RBM33: variants seen among roughly 807,000 people sequenced by gnomAD.
The protein encoded by RBM33 is RNA-binding protein 33.
RBM33 carries 28 observed loss-of-function variants against 132.6 expected under a neutral mutation model. The ratio of observed to expected loss-of-function variants is 0.21; its 90% CI spans 0.16 to 0.29. RBM33 has a LOEUF of 0.29. Among genes scored for constraint, RBM33 ranks in the 10% least tolerant of loss-of-function variants. The probability of loss-of-function intolerance (pLI) is 1.00; values close to 1 mark genes in which losing one functional copy is unlikely to be tolerated. For missense variants in RBM33, 1,291 were observed against 1,518.5 expected (o/e 0.85, Z 2.49); for synonymous variants, 634 against 593.0 (o/e 1.07, Z -1.01).
rs1802227910 is a variant in RBM33 at position 155,766,590 on chromosome 7, G to T, written c.3310G>T (p.Gly1104Trp). Reference protein sequence around the residue: ...KPQPCVVSVEGLSSSTTDAQL... With the variant: ...KPQPCVVSVEWLSSSTTDAQL... ...CCAGCCCTGCGTGGTGTCTGTGGAG[G>T]GGCTGTCCTCGTCCACCACGGATGC... The change falls in exon 16 of 18, where the codon GGG becomes TGG. Residue 1104 changes from glycine (G) to tryptophan (W), a missense_variant. Transcript: ENST00000401878. 1 of 1,612,894 alleles carries T rather than the reference G, an allele frequency of 6.2e-7. No homozygotes were observed. Among genetic ancestry groups the T allele is most frequent in the African/African-American group, 1.3e-5 (1 of 74,904 alleles).
At chr7:155,742,176 A>G (rs1345731785) in intron 13 of RBM33, 70 bp downstream of exon 13, 8 of 1,399,526 alleles carry the variant, frequency 5.7e-6, no homozygotes, top group Non-Finnish European at 7.7e-6. Flanking sequence ...TGGATGTCTT[A>G]GTTCACTCTC....
Position 155,781,278 on chromosome 7 carries a change from G to T in RBM33, c.*6237G>T, listed in dbSNP as rs748964411. The T allele has an allele frequency of 6.6e-6, 1 of 152,258 alleles. No individual in the cohort carries two copies. The highest frequency in any genetic ancestry group is 1.5e-5 in the Non-Finnish European group (1 of 68,042). The allele number at this position is 152,258 out of a possible 1,614,324, so 9.4% of individuals were successfully genotyped here. Reference sequence around the variant, plus strand: ...ACCACACCTACCTTGGGGGAATGCCGTTGCCTGTTCCACCCCTTTGTTCAC... The same window carrying T: ...ACCACACCTACCTTGGGGGAATGCCTTTGCCTGTTCCACCCCTTTGTTCAC... On this transcript the variant is annotated 3_prime_UTR_variant, in exon 18 of 18. Transcript: ENST00000401878.
chr7:155,764,017 A>G lies in RBM33; in HGVS notation c.3185A>G (p.Lys1062Arg). Residue 1062 changes from lysine to arginine, a missense_variant and splice_region_variant, in exon 15 of 18, where the codon AAG becomes AGG. Physicochemically the swap from Lys to Arg is conservative, Grantham distance 26 (BLOSUM62 2). Transcript: ENST00000401878. ...KSIQGIHPAK[K>R]AIMHGRGRGV... ...ATCCAAGGAATTCACCCGGCGAAGAAGGTACTGCTTGTTGCCTCGCACGCA... is the reference window on the plus strand; with the variant it reads ...ATCCAAGGAATTCACCCGGCGAAGAGGGTACTGCTTGTTGCCTCGCACGCA... 6.5e-7 allele frequency: 1 copy of G among 1,535,616 alleles called. No homozygotes were observed. Among genetic ancestry groups the G allele is most frequent in the Non-Finnish European group, 8.8e-7 (1 of 1,139,690 alleles).
chr7:155,707,432 G>T, intron 7 of RBM33: 1 of 391,330 alleles, frequency 2.6e-6, no homozygotes, highest in Non-Finnish European at 5.1e-6. Context: ...TAGAATTTAG[G>T]CAGAAGTTGT....
intron 11 of RBM33, 124 bp downstream of exon 11, chr7:155,738,527 T>G (rs1353616210): frequency 1.0e-6 from 1 of 952,400 alleles, no homozygotes; most frequent in Non-Finnish European, 1.5e-6. Context: ...AGAGTATTAG[T>G]CTCAAATGTA....
At chr7:155,766,356 C>T in intron 15 of RBM33, 111 bp from the exon 16 acceptor site, 1 of 1,196,434 alleles carries the variant, frequency 8.4e-7, no homozygotes, top group Non-Finnish European at 1.2e-6. Flanking sequence ...AATCCTGTAG[C>T]TCATGGTATA....
chr7:155,697,200 G>A (rs542294289), intron 5 of RBM33, among the ~76,000 whole-genome samples: 62 of 152,316 alleles, frequency 4.1e-4, no homozygotes, highest in Admixed American at 1.9e-3. Flanking sequence ...AGGAGGAGGA[G>A]GAGGAGTATC....
chr7:155,700,471 ATTTG>A (rs1799923549), intron 5 of RBM33, among the ~76,000 whole-genome samples: 1 of 150,586 alleles, frequency 6.6e-6, no homozygotes, highest in Non-Finnish European at 1.5e-5. Context: ...AATTTTTGGA[ATTTG>A]TTTATTTTCA....
intron 16 of RBM33, among the ~76,000 whole-genome samples, chr7:155,770,113 C>T (rs560760333): frequency 2.1e-3 from 313 of 152,304 alleles, no homozygotes; most frequent in Non-Finnish European, 3.4e-3. Context: ...AAAGGAGCAA[C>T]GCGCCCGGGA....
chr7:155,735,400 GA>G (rs1443656527), intron 9 of RBM33, among the ~76,000 whole-genome samples: 1 of 152,192 alleles, frequency 6.6e-6, no homozygotes, highest in Non-Finnish European at 1.5e-5. Context: ...GCAAAGTAAA[GA>G]TATTAAATAT....
intron 16 of RBM33, among the ~76,000 whole-genome samples, chr7:155,772,062 CAAGAT>C (rs1802443522): frequency 6.6e-6 from 1 of 152,154 alleles, no homozygotes; most frequent in Non-Finnish European, 1.5e-5. Context: ...TATTTTTAGA[CAAGAT>C]AAGTTTAGAG....
intron 14 of RBM33, among the ~76,000 whole-genome samples, chr7:155,753,577 G>C (rs1801753307): frequency 1.3e-5 from 2 of 152,182 alleles, no homozygotes; most frequent in African/African-American, 4.8e-5. Flanking sequence ...AGAGGGGCCA[G>C]ATAGAAGCGA....
intron 7 of RBM33, 166 bp downstream of exon 7, chr7:155,707,234 A>G (rs1800143273): frequency 1.4e-6 from 1 of 726,260 alleles, no homozygotes; most frequent in African/African-American, 1.7e-5. Flanking sequence ...GATGTTGCAT[A>G]TAGTCTTAGA....
chr7:155,770,529 C>T (rs1360588400), intron 16 of RBM33, among the ~76,000 whole-genome samples: 1 of 151,490 alleles, frequency 6.6e-6, no homozygotes, highest in African/African-American at 2.4e-5. Flanking sequence ...GAATTTACAT[C>T]TCTCATGATT....
rs371396567 is a variant in RBM33 at position 155,759,542 on chromosome 7, T to A, written c.2980-4270T>A. 3.1e-3 allele frequency among the ~76,000 whole-genome samples: 474 copies of A among 151,264 alleles called. 3 individuals are homozygous for A. The highest frequency in any genetic ancestry group is 0.011 in the African/African-American group (446 of 41,188). ...ACGCCATTCTCCTGCCTCAGCCTCC[T>A]GAGTAGCTGGGACTACAGGCGCCCG... is the stretch of plus-strand genomic sequence containing the variant. On this transcript the variant is annotated intron_variant, in intron 14 of 17. Coordinates refer to ENST00000401878, the MANE Select transcript of RBM33 (RefSeq NM_053043.3).
Position 155,745,509 on chromosome 7 carries a change from C to A in RBM33, c.2886C>A (p.Gly962=), listed in dbSNP as rs753016671. ...IQGRPQDTKP[G]VKRTVTHRTN... ...GCCGGCCCCAGGACACAAAGCCTGG[C>A]GTGAAAAGGACTGTCACGCACAGGA... Residue 962 remains glycine, a synonymous_variant, in exon 14 of 18, where the codon GGC becomes GGA. Coordinates refer to ENST00000401878, the MANE Select transcript of RBM33 (RefSeq NM_053043.3). This position sits in a 1 kb window ranked among gnomAD's most constrained non-coding sequence, Gnocchi z 4.1. 6.2e-7 allele frequency: 1 copy of A among 1,612,958 alleles called. No individual in the cohort carries two copies. Among genetic ancestry groups the A allele is most frequent in the African/African-American group, 1.3e-5 (1 of 74,846 alleles).
chr7:155,741,929 A>G lies in RBM33; in HGVS notation c.2160A>G (p.Glu720=). The change falls in exon 13 of 18, where the codon GAA becomes GAG. Residue 720 remains glutamate (E), a synonymous_variant. Coordinates refer to ENST00000401878, the MANE Select transcript of RBM33 (RefSeq NM_053043.3). ...CCATAGCGCCGTCACACGTGATAGAAATGAGCAGCAGCCGCTGCTCTGCCA... is the reference window on the plus strand; with the variant it reads ...CCATAGCGCCGTCACACGTGATAGAGATGAGCAGCAGCCGCTGCTCTGCCA... The part of the protein sequence containing the change: ...ELPIAPSHVI[E]MSSSRCSATP... 6.2e-7 allele frequency: 1 copy of G among 1,614,022 alleles called. No individual in the cohort carries two copies.
At chr7:155,672,263 C>G (rs1798962641) in intron 2 of RBM33, among the ~76,000 whole-genome samples, 1 of 152,052 alleles carries the variant, frequency 6.6e-6, no homozygotes, top group African/African-American at 2.4e-5. Flanking sequence ...ATTACAGTTT[C>G]TGCTTTTACT....
At chr7:155,768,683 C>A (rs897469663) in intron 16 of RBM33, among the ~76,000 whole-genome samples, 1 of 152,256 alleles carries the variant, frequency 6.6e-6, no homozygotes, top group Non-Finnish European at 1.5e-5. Flanking sequence ...GTGGTGCGAT[C>A]TGGGCTCACC....
Sources: allele counts gnomAD v4.1 joint callset (sites outside exome capture counted in the v4.1 genomes callset), GRCh38; gene constraint gnomAD v4.1.1; non-coding constraint Gnocchi (gnomAD v3.1); transcripts MANE v1.5; gene names NCBI Gene and HGNC (gene_info 2026-07-23, HGNC 2026-07-21).